Variants in RNF38 observed in about 807,000 individuals in gnomAD.
RNF38 encodes the protein E3 ubiquitin-protein ligase RNF38.
Under a neutral mutation model 67.2 loss-of-function variants are expected in RNF38, and 15 were observed. The ratio of observed to expected loss-of-function variants is 0.22; its 90% confidence interval spans 0.15 to 0.34. The LOEUF (loss-of-function observed/expected upper bound fraction) is 0.34, where lower values mean the gene tolerates loss of function less well. Among genes scored for constraint, RNF38 ranks in the 10% least tolerant of loss-of-function variants. The pLI, the probability that RNF38 is intolerant of heterozygous loss-of-function variation, is 1.00. For synonymous variants in RNF38, 220 were observed against 218.8 expected (o/e 1.01, Z -0.05); for missense variants, 524 against 639.9 (o/e 0.82, Z 1.95).
At chr9:36,380,140 C>T (rs889245040) in intron 2 of RNF38, among the ~76,000 whole-genome samples, 46 of 152,112 alleles carry the variant, frequency 3.0e-4, no homozygotes, top group Non-Finnish European at 4.9e-4. Context: ...GATAAAATCA[C>T]GGACATTTAG....
At chr9:36,475,580 A>T (rs1224786008) in intron 1 of RNF38, among the ~76,000 whole-genome samples, 2 of 150,806 alleles carry the variant, frequency 1.3e-5, no homozygotes, top group African/African-American at 4.9e-5. Flanking sequence ...GCTGGTCTCG[A>T]ACTCCTGACC....
intron 1 of RNF38, among the ~76,000 whole-genome samples, chr9:36,462,697 C>T (rs1277553354): frequency 2.0e-5 from 3 of 148,776 alleles, no homozygotes; most frequent in African/African-American, 7.4e-5. Flanking sequence ...TTTTTTGAGA[C>T]AGAGTCCTGC....
intron 1 of RNF38, among the ~76,000 whole-genome samples, chr9:36,445,850 G>T (rs189533536): frequency 6.2e-4 from 94 of 152,294 alleles, no homozygotes; most frequent in African/African-American, 2.2e-3. Flanking sequence ...TGACAGCCTA[G>T]GGAAAAATGT....
At chr9:36,368,674 T>G (rs117562528) in intron 4 of RNF38, among the ~76,000 whole-genome samples, 1 of 152,162 alleles carries the variant, frequency 6.6e-6, no homozygotes, top group Admixed American at 6.5e-5. Context: ...ATGAACATAA[T>G]AAAAATGTCT....
At chr9:36,401,066 C>T (rs1275932626), upstream of RNF38, 11 of 984,788 alleles carry the variant, frequency 1.1e-5, no homozygotes, top group Non-Finnish European at 1.2e-5. Flanking sequence ...TCCGGGTCGC[C>T]CGTCCCACCC....
intron 2 of RNF38, among the ~76,000 whole-genome samples, chr9:36,423,403 A>G (rs1045961645): frequency 3.3e-5 from 5 of 152,328 alleles, no homozygotes; most frequent in Non-Finnish European, 7.3e-5. Flanking sequence ...TCCAGCTCCA[A>G]CACAATGAGA....
At chr9:36,447,074 T>C (rs1214115130) in intron 1 of RNF38, among the ~76,000 whole-genome samples, 2 of 149,982 alleles carry the variant, frequency 1.3e-5, no homozygotes, top group African/African-American at 4.9e-5. Flanking sequence ...TTGCAGTGAG[T>C]TGAGATCGTG....
intron 4 of RNF38, among the ~76,000 whole-genome samples, chr9:36,359,645 G>T (rs189591838): frequency 6.6e-6 from 1 of 151,668 alleles, no homozygotes; most frequent in Non-Finnish European, 1.5e-5. Flanking sequence ...TTATTCTTAC[G>T]TATAAAATCA....
At position 36,394,271 on chromosome 9, in the gene RNF38, C is replaced by CA. The variant is rs1292578735; in HGVS notation, c.13-3656dup. Among the ~76,000 whole-genome samples, 554 of 140,688 alleles carry CA rather than the reference C, an allele frequency of 3.9e-3. 3 individuals are homozygous for CA. The highest frequency in any genetic ancestry group is 8.2e-3 in the African/African-American group (316 of 38,358). The allele number at this position is 140,688 out of a possible 152,430, so 92.3% of individuals were successfully genotyped here. On this transcript the variant is annotated intron_variant, in intron 1 of 11. Transcript: ENST00000259605. ...GCCTGGCGACAGAGCAAGACTGTCT[C>CA]AAAAAAAAAAAGAAAAGAAAGAAAT...
chr9:36,463,164 C>T (rs754723788), intron 1 of RNF38, among the ~76,000 whole-genome samples: 5 of 152,092 alleles, frequency 3.3e-5, no homozygotes, highest in Non-Finnish European at 7.4e-5. Context: ...CATATTTATG[C>T]TTACTGTCTG....
intron 4 of RNF38, among the ~76,000 whole-genome samples, chr9:36,358,603 T>G (rs1834299606): frequency 6.6e-6 from 1 of 152,270 alleles, no homozygotes; most frequent in Non-Finnish European, 1.5e-5. Flanking sequence ...TCTTTGGTAC[T>G]AGCCAGATAT....
chr9:36,392,554 T>C (rs767611397), intron 1 of RNF38, among the ~76,000 whole-genome samples: 4 of 152,062 alleles, frequency 2.6e-5, no homozygotes, highest in South Asian at 4.2e-4. Context: ...CTGGACAACA[T>C]AGAGAAAACC....
At chr9:36,448,980 C>T (rs982647064) in intron 1 of RNF38, among the ~76,000 whole-genome samples, 11 of 150,918 alleles carry the variant, frequency 7.3e-5, no homozygotes, top group African/African-American at 2.4e-4. Flanking sequence ...GGCGACAAAG[C>T]GAGACTCCGT....
At chr9:36,451,657 T>A (rs561343065) in intron 1 of RNF38, among the ~76,000 whole-genome samples, 1 of 151,474 alleles carries the variant, frequency 6.6e-6, no homozygotes, top group Non-Finnish European at 1.5e-5. Context: ...TGTGCCACCA[T>A]GCCCAGCTAA....
At chr9:36,386,224 G>C (rs1228627931) in intron 2 of RNF38, among the ~76,000 whole-genome samples, 2 of 152,016 alleles carry the variant, frequency 1.3e-5, no homozygotes, top group Non-Finnish European at 2.9e-5. Context: ...TTTCTAATAG[G>C]ATTTGCTATC....
chr9:36,421,468 A>G (rs776845599), intron 2 of RNF38, among the ~76,000 whole-genome samples: 44 of 152,114 alleles, frequency 2.9e-4, no homozygotes, highest in Non-Finnish European at 5.3e-4. Flanking sequence ...GTTTGAGACC[A>G]GCCTGACCAA....
chr9:36,414,963 C>G (rs1222220036), intron 2 of RNF38, among the ~76,000 whole-genome samples: 1 of 152,162 alleles, frequency 6.6e-6, no homozygotes, highest in Non-Finnish European at 1.5e-5. Flanking sequence ...TTTTCCCTAA[C>G]AGTTCTTAAG....
At chr9:36,372,116 A>G (rs1835424612) in intron 3 of RNF38, among the ~76,000 whole-genome samples, 1 of 151,880 alleles carries the variant, frequency 6.6e-6, no homozygotes, top group Non-Finnish European at 1.5e-5. Flanking sequence ...TTTTTAGTAG[A>G]AACAGGGTTT....
intron 2 of RNF38, among the ~76,000 whole-genome samples, chr9:36,384,076 A>G (rs1468987565): frequency 6.6e-6 from 1 of 152,212 alleles, no homozygotes; most frequent in Non-Finnish European, 1.5e-5. Flanking sequence ...ACAGTTCCTA[A>G]TTACACAAAA....
Sources: gnomAD v4.1 joint callset for allele counts (sites outside exome capture counted in the v4.1 genomes callset) on GRCh38, gnomAD v4.1.1 for gene constraint, MANE v1.5 for transcripts, NCBI Gene and HGNC (gene_info 2026-07-23, HGNC 2026-07-21) for gene names.